Variants in SLC22A31 observed in about 807,000 individuals in gnomAD.
SLC22A31 encodes the protein putative solute carrier family 22 member 31.
Under a neutral mutation model 27.4 loss-of-function variants are expected in SLC22A31, and 42 were observed. The observed-to-expected ratio is 1.53, with a 90% CI of 1.20 to 1.98. SLC22A31 has a LOEUF of 1.98. Ranked by LOEUF, SLC22A31 falls within the 30% of genes most tolerant of loss-of-function variation. The pLI is 0.00. For synonymous variants in SLC22A31, 290 were observed against 230.8 expected (o/e 1.26, Z -2.33); for missense variants, 593 against 479.9 (o/e 1.24, Z -2.20).
upstream of SLC22A31, chr16:89,201,375 C>T (rs1338128334): frequency 6.3e-5 from 22 of 350,632 alleles, no homozygotes; most frequent in East Asian, 9.0e-4. Flanking sequence ...GGGGCGGGTG[C>T]AGGGCGCGGG....
rs866130147 is a variant in SLC22A31 at position 89,196,138 on chromosome 16, C to G, written c.1202G>C (p.Arg401Pro). Reference sequence around the variant, plus strand: ...GTCCTGCAGTGACTGGGGCAGCCCCCGGCTTCGGCTCTCAGGCAGCAGCAG... The same window carrying G: ...GTCCTGCAGTGACTGGGGCAGCCCCGGGCTTCGGCTCTCAGGCAGCAGCAG... ...CVLLLPESRS[R>P]GLPQSLQDAD... Residue 401 changes from arginine (R) to proline (P), a missense_variant, in exon 9 of 9, where the codon CGG becomes CCG. By Grantham distance (103) the Arg-to-Pro change is moderately radical. Transcript: ENST00000682282. 3 of 1,534,928 alleles carry G rather than the reference C, an allele frequency of 2.0e-6. No homozygotes were observed. The East Asian group carries it at 7.3e-5, about 38-fold the overall frequency.
At chr16:89,197,209 A>G (rs903296754) in intron 8 of SLC22A31, 89 bp downstream of exon 8, 21 of 981,134 alleles carry the variant, frequency 2.1e-5, no homozygotes, top group Non-Finnish European at 2.7e-5. Flanking sequence ...TGGGTGGGGT[A>G]TGGGGACAGG....
At chr16:89,199,305 TCA>T in intron 3 of SLC22A31, 106 bp downstream of exon 3, 1 of 1,043,882 alleles carries the variant, frequency 9.6e-7, no homozygotes, top group African/African-American at 1.6e-5. Context: ...CCCAAGGGAC[TCA>T]CTGCTCACTG....
upstream of SLC22A31, chr16:89,201,013 C>T (rs1266657337): frequency 2.8e-6 from 1 of 354,288 alleles, no homozygotes; most frequent in Non-Finnish European, 5.1e-6. Context: ...CCTCCAGCGC[C>T]CCAGGCCGCC....
At chr16:89,198,939 C>G in intron 4 of SLC22A31, 84 bp downstream of exon 4, 1 of 1,495,756 alleles carries the variant, frequency 6.7e-7, no homozygotes, top group Non-Finnish European at 8.9e-7. Flanking sequence ...CATGCGTTTA[C>G]CTGGCATGGG....
Position 89,199,759 on chromosome 16 carries a change from G to A in SLC22A31, c.82C>T (p.Leu28=). The A allele has an allele frequency of 2.5e-6, 1 of 404,320 alleles. No individual in the cohort carries two copies. 25.0% of individuals were successfully genotyped at this position (404,320 alleles called of 1,614,324 possible). Residue 28 remains leucine, a synonymous_variant, in exon 2 of 9, where the codon CTG becomes TTG. Transcript: ENST00000682282. The part of the protein sequence containing the change: ...KVPLEQVSHL[L]GWLLGCVILG... ...ATGACACAGCCCAGCAGCCAGCCCA[G>A]GAGGTGGCTCACCTGCTCCAGCGGG...
intron 1 of SLC22A31, chr16:89,200,029 G>A (rs1288048193): frequency 2.6e-6 from 1 of 388,100 alleles, no homozygotes; most frequent in Non-Finnish European, 4.5e-6. Context: ...CACAGGGGTC[G>A]GGGGGATCTG....
At chr16:89,199,274 G>T in intron 3 of SLC22A31, 83 bp from the exon 4 acceptor site, 1 of 1,350,402 alleles carries the variant, frequency 7.4e-7, no homozygotes, top group Non-Finnish European at 9.8e-7. Flanking sequence ...ACCTATTGGT[G>T]ACCTGCCCAG....
rs796121966 is a variant in SLC22A31 at position 89,199,097 on chromosome 16, A to T, written c.378T>A (p.Ala126=). 6.0e-5 allele frequency: 92 copies of T among 1,535,784 alleles called. 1 individual carries two copies. The African/African-American group carries it at 1.1e-3, about 19-fold the overall frequency. Residue 126 remains alanine, a synonymous_variant, in exon 4 of 9, where the codon GCT becomes GCA. Coordinates refer to ENST00000682282, the MANE Select transcript of SLC22A31 (RefSeq NM_001384763.1). ...GAAGACGCCAGTCCTGCACAAGCGC[A>T]GCCAGGCCGGGCAGCAGCAGGGTGC... The part of the protein sequence containing the change: ...VVGTLLLPGL[A]ALVQDWRLLQ...
chr16:89,201,474 A>G (rs968628000), upstream of SLC22A31: 4 of 394,096 alleles, frequency 1.0e-5, no homozygotes, highest in African/African-American at 8.3e-5. Flanking sequence ...GGGTCCGCGC[A>G]GGGCGCGCAG....
intron 2 of SLC22A31, 54 bp from the exon 3 acceptor site, chr16:89,199,621 A>G (rs1916356748): frequency 2.4e-6 from 1 of 409,340 alleles, no homozygotes. Flanking sequence ...CCAGGGTCCA[A>G]CCTTCATCCT....
Position 89,199,113 on chromosome 16 carries a change from A to G in SLC22A31, c.362T>C (p.Leu121Pro). 6.5e-7 allele frequency: 1 copy of G among 1,535,608 alleles called. No homozygotes were observed. The highest frequency in any genetic ancestry group is 8.7e-7 in the Non-Finnish European group (1 of 1,146,748). ...AGLFSVVGTL[L>P]LPGLAALVQD... ...CACAAGCGCAGCCAGGCCGGGCAGCAGCAGGGTGCCCACCACCGAGAAAAG... is the reference window on the plus strand; with the variant it reads ...CACAAGCGCAGCCAGGCCGGGCAGCGGCAGGGTGCCCACCACCGAGAAAAG... The change falls in exon 4 of 9, where the codon CTG (leucine) becomes CCG (proline). Residue 121 changes from leucine to proline, a missense_variant. Transcript: ENST00000682282.
At chr16:89,201,658 G>A, upstream of SLC22A31, 2 of 397,018 alleles carry the variant, frequency 5.0e-6, no homozygotes, top group Non-Finnish European at 4.4e-6. Flanking sequence ...CGCGCCTCCT[G>A]CTCCATCGGT....
In SLC22A31 at chr16:89,195,803, G is replaced by T. The variant is rs940180382; in HGVS notation, c.*196C>A. On this transcript the variant is annotated 3_prime_UTR_variant, in exon 9 of 9. Transcript: ENST00000682282. Reference sequence around the variant, plus strand: ...TCCTCCACACCTACTGGGTGTGGCTGGGGGGAGACCCAGGGCCTCCCAGTG... The same window carrying T: ...TCCTCCACACCTACTGGGTGTGGCTTGGGGGAGACCCAGGGCCTCCCAGTG... 1.3e-5 allele frequency: 7 copies of T among 554,440 alleles called. No individual in the cohort carries two copies. In the South Asian group the frequency reaches 1.8e-4, roughly 15 times the overall value. The allele number at this position is 554,440 out of a possible 1,614,324, so 34.3% of individuals were successfully genotyped here.
chr16:89,198,237 C>T lies in SLC22A31; in HGVS notation c.807G>A (p.Ala269=), dbSNP rs1466088146. ...LPYFLEAGLE[A]AALVFLLLTA... ...TCAGGAGCAGGAAGACCAAGGCTGCCGCCTCCAGGCCGGCCTCCAGGAAGT... is the reference window on the plus strand; with the variant it reads ...TCAGGAGCAGGAAGACCAAGGCTGCTGCCTCCAGGCCGGCCTCCAGGAAGT... Residue 269 remains alanine, a synonymous_variant, in exon 7 of 9, where the codon GCG becomes GCA. Coordinates refer to ENST00000682282, the MANE Select transcript of SLC22A31 (RefSeq NM_001384763.1). 3.9e-6 allele frequency: 6 copies of T among 1,535,808 alleles called. No individual in the cohort carries two copies. The highest frequency in any genetic ancestry group is 2.4e-5 in the South Asian group (2 of 84,066).
At chr16:89,198,008 G>T in intron 7 of SLC22A31, 114 bp downstream of exon 7, 2 of 1,130,648 alleles carry the variant, frequency 1.8e-6, no homozygotes, top group Non-Finnish European at 2.5e-6. Flanking sequence ...ACAGCAGCTG[G>T]CCTTGGGCTG....
In SLC22A31 at chr16:89,199,070, C is replaced by T. The variant is rs1597321672; in HGVS notation, c.405G>A (p.Leu135=). ...LAALVQDWRL[L]QGLGALMSGL... is the part of the protein sequence containing the mutation. ...CACTCATCAGGGCACCCAGCCCCTG[C>T]AGAAGACGCCAGTCCTGCACAAGCG... is the stretch of plus-strand genomic sequence containing the variant. Residue 135 remains leucine (L), a synonymous_variant, in exon 4 of 9, where the codon CTG becomes CTA. Transcript: ENST00000682282. 1 of 1,535,664 alleles carries T rather than the reference C, an allele frequency of 6.5e-7. No individual in the cohort carries two copies. The highest frequency in any genetic ancestry group is 1.2e-5 in the South Asian group (1 of 84,052).
At position 89,195,964 on chromosome 16, in the gene SLC22A31, G is replaced by C. The variant is rs1308217832; in HGVS notation, c.*35C>G. 3.2e-5 allele frequency: 46 copies of C among 1,459,226 alleles called. No homozygotes were observed. Among genetic ancestry groups the C allele is most frequent in the Non-Finnish European group, 4.1e-5 (45 of 1,109,400 alleles). 90.4% of individuals were successfully genotyped at this position (1,459,226 alleles called of 1,614,324 possible). A position where few individuals can be genotyped will look rare whatever the true frequency, so the allele number is the denominator to read the frequency against. On this transcript the variant is annotated 3_prime_UTR_variant, in exon 9 of 9. Coordinates refer to ENST00000682282, the MANE Select transcript of SLC22A31 (RefSeq NM_001384763.1). The stretch of plus-strand genomic sequence containing the variant: ...CAGCCATGCCCCAGGCCTTGACTTT[G>C]GTCCCATCCTGGCTCCCAGGGCCAC...
chr16:89,198,871 A>AC, intron 4 of SLC22A31, 74 bp from the exon 5 acceptor site: 1 of 1,493,332 alleles, frequency 6.7e-7, no homozygotes, highest in South Asian at 1.3e-5. Flanking sequence ...CAGGGCCCCC[A>AC]CCCCACCCCC....
Sources: allele counts gnomAD v4.1 joint callset, GRCh38; gene constraint gnomAD v4.1.1; transcripts MANE v1.5; gene names NCBI Gene and HGNC (gene_info 2026-07-23, HGNC 2026-07-21).